Variants in MECOM observed in about 807,000 individuals in gnomAD.
MECOM encodes histone-lysine N-methyltransferase MECOM.
A neutral mutation model predicts 116.3 loss-of-function variants in MECOM; 13 were observed. The ratio of observed to expected loss-of-function variants is 0.11; its 90% CI spans 0.07 to 0.18. The LOEUF (loss-of-function observed/expected upper bound fraction) is 0.18, where lower values mean the gene tolerates loss of function less well. Among genes scored for constraint, MECOM ranks in the 10% least tolerant of loss-of-function variants. MECOM has a pLI of 1.00. For missense variants in MECOM, 1,299 were observed against 1,509.0 expected, an observed-to-expected ratio of 0.86 and a Z score of 2.31; for synonymous variants, 528 against 535.2, an observed-to-expected ratio of 0.99 and a Z score of 0.19.
intron 2 of MECOM, among the ~76,000 whole-genome samples, chr3:169,265,493 G>C (rs1331220749): frequency 6.6e-6 from 1 of 152,186 alleles, no homozygotes; most frequent in Non-Finnish European, 1.5e-5. Flanking sequence ...TTAAAATAGT[G>C]AGAGAGTTTA....
At chr3:169,209,116 T>C (rs984888487) in intron 2 of MECOM, among the ~76,000 whole-genome samples, 183 of 152,150 alleles carry the variant, frequency 1.2e-3, no homozygotes, top group Non-Finnish European at 1.7e-3. Context: ...ATTTAATAAA[T>C]GGTGCTGGAA....
At chr3:169,295,574 GC>G (rs1485011331) in intron 2 of MECOM, among the ~76,000 whole-genome samples, 2 of 152,120 alleles carry the variant, frequency 1.3e-5, no homozygotes, top group Non-Finnish European at 2.9e-5. Context: ...TTTCCATTAT[GC>G]CTTTAAAACA....
chr3:169,366,758 G>A (rs1484720868), intron 2 of MECOM, among the ~76,000 whole-genome samples: 1 of 151,994 alleles, frequency 6.6e-6, no homozygotes, highest in East Asian at 1.9e-4. Flanking sequence ...AGGTTTCATT[G>A]CCATGCCATG....
chr3:169,503,416 T>C (rs1422347353), intron 1 of MECOM, among the ~76,000 whole-genome samples: 2 of 152,196 alleles, frequency 1.3e-5, no homozygotes, highest in East Asian at 1.9e-4. Context: ...AGGACATATA[T>C]GTTAAATAAA....
At chr3:169,219,901 TTAAG>T (rs1212856778) in intron 2 of MECOM, among the ~76,000 whole-genome samples, 2 of 149,060 alleles carry the variant, frequency 1.3e-5, no homozygotes, top group Non-Finnish European at 3.0e-5. Context: ...AACCATCTCA[TTAAG>T]TTTTTTTAAA....
At chr3:169,525,686 A>G (rs1335042089) in intron 1 of MECOM, among the ~76,000 whole-genome samples, 1 of 152,226 alleles carries the variant, frequency 6.6e-6, no homozygotes, top group African/African-American at 2.4e-5. Context: ...TATTACATAA[A>G]TCCAACATAT....
intron 2 of MECOM, among the ~76,000 whole-genome samples, chr3:169,215,557 T>C (rs1310325001): frequency 1.3e-5 from 2 of 152,190 alleles, no homozygotes; most frequent in Non-Finnish European, 2.9e-5. Flanking sequence ...AAGAGTTGTT[T>C]AGTGAAGTTA....
At chr3:169,164,164 T>C (rs1405855916) in intron 2 of MECOM, among the ~76,000 whole-genome samples, 1 of 152,132 alleles carries the variant, frequency 6.6e-6, no homozygotes, top group Non-Finnish European at 1.5e-5. Flanking sequence ...TTCTCACATG[T>C]TGTGGGAGGG....
intron 2 of MECOM, among the ~76,000 whole-genome samples, chr3:169,245,926 C>A (rs1260209299): frequency 6.6e-6 from 1 of 152,184 alleles, no homozygotes; most frequent in Non-Finnish European, 1.5e-5. Flanking sequence ...GTGGCACAGC[C>A]TCCTCCATCT....
In MECOM at chr3:169,661,218, G is replaced by A. The variant is rs182506659; in HGVS notation, c.37+2118C>T. Among the ~76,000 whole-genome samples the A allele has an allele frequency of 3.8e-3, 575 of 152,190 alleles. 3 individuals are homozygous for A. The highest frequency in any genetic ancestry group is 0.013 in the African/African-American group (543 of 41,490). On this transcript the variant is annotated intron_variant, in intron 1 of 16. Coordinates refer to ENST00000651503, the MANE Select transcript of MECOM (RefSeq NM_004991.4). ...CAGAAGTTATCGGGCAGTGAGTTGC[G>A]GCGCGAAGCCTTAAGCTTTCACTTC... is the stretch of plus-strand genomic sequence containing the variant.
At position 169,512,901 on chromosome 3, in the gene MECOM, C is replaced by A. The variant is rs1441219113; in HGVS notation, c.38-131377G>T. On this transcript the variant is annotated intron_variant, in intron 1 of 16. Coordinates refer to ENST00000651503, the MANE Select transcript of MECOM (RefSeq NM_004991.4). The stretch of plus-strand genomic sequence containing the variant: ...AGGGTTGCTATATCAACTTTAGTTT[C>A]TCCACCTAATCCCTCCTAATCATGG... Among the ~76,000 whole-genome samples the A allele has an allele frequency of 2.0e-5, 3 of 152,204 alleles. No homozygotes were observed. In the East Asian group the frequency reaches 5.8e-4, roughly 29 times the overall value.
chr3:169,144,931 G>A (rs1035571403), intron 2 of MECOM: 2 of 1,312,648 alleles, frequency 1.5e-6, no homozygotes, highest in Non-Finnish European at 2.2e-6. Flanking sequence ...TGAGTACTGA[G>A]ACCAAAAGCA....
rs552301227 is a variant in MECOM, at chr3:169,527,825, A to C, written c.37+135511T>G. Among the ~76,000 whole-genome samples, 25 of 152,298 alleles carry C rather than the reference A, an allele frequency of 1.6e-4. No homozygotes were observed. The East Asian group carries it at 4.8e-3, about 29-fold the overall frequency. ...AAAAGATATGTGAGAGAGAGAAAGC[A>C]AGGAAAAAACACAGGAGCCTGGGTC... On this transcript the variant is annotated intron_variant, in intron 1 of 16. Coordinates refer to ENST00000651503, the MANE Select transcript of MECOM (RefSeq NM_004991.4).
chr3:169,281,999 C>T (rs1173845089), intron 2 of MECOM, among the ~76,000 whole-genome samples: 2 of 152,122 alleles, frequency 1.3e-5, no homozygotes, highest in Non-Finnish European at 2.9e-5. Flanking sequence ...CTACATCCTC[C>T]TCTCTACTGA....
intron 1 of MECOM, among the ~76,000 whole-genome samples, chr3:169,546,770 T>C (rs962150075): frequency 1.3e-5 from 2 of 152,246 alleles, no homozygotes; most frequent in African/African-American, 4.8e-5. Context: ...AGGTTTGTTA[T>C]AAAAGTGTTT....
chr3:169,351,009 A>G (rs1432255215), intron 2 of MECOM, among the ~76,000 whole-genome samples: 2 of 151,874 alleles, frequency 1.3e-5, no homozygotes, highest in African/African-American at 4.8e-5. Flanking sequence ...TAACCTAAAG[A>G]GCTTAAAAAT....
In MECOM at chr3:169,127,771, C is replaced by T. The variant is rs1733374160; in HGVS notation, c.830+73G>A. ...TGGAGTTCCAAATTTTCCATCTGCA[C>T]AAAGCCTCAAAATTCAGCATAACAT... On this transcript the variant is annotated intron_variant, in intron 5 of 16. Transcript: ENST00000651503. 3.6e-6 allele frequency: 5 copies of T among 1,386,402 alleles called. No individual in the cohort carries two copies. The South Asian group carries it at 6.0e-5, about 17-fold the overall frequency. 85.9% of individuals were successfully genotyped at this position (1,386,402 alleles called of 1,614,324 possible). A position where few individuals can be genotyped will look rare whatever the true frequency, so the allele number is the denominator to read the frequency against.
Position 169,381,374 on chromosome 3 carries a change from G to A in MECOM, c.188C>T (p.Pro63Leu), listed in dbSNP as rs369363004. ...AGGGATGTAGATGGGGGCTTTGTAA[G>A]GAGAACCCTCCTTTGGAGTGAATGC... ...SEAFTPKEGSPYKAPIYIPDD... is the reference protein window; with the variant it reads ...SEAFTPKEGSLYKAPIYIPDD... The change falls in exon 2 of 17, where the codon CCT becomes CTT. Residue 63 changes from proline to leucine, a missense_variant. Around this residue, in one of 6 missense-constraint regions of MECOM, gnomAD observed 374 missense variants for 433.4 expected, o/e 0.86. Transcript: ENST00000651503. 2.2e-5 allele frequency: 35 copies of A among 1,613,896 alleles called. No individual in the cohort carries two copies. In the African/African-American group the frequency reaches 4.4e-4, roughly 20 times the overall value.
chr3:169,208,158 C>A (rs1047028751), intron 2 of MECOM, among the ~76,000 whole-genome samples: 3 of 151,322 alleles, frequency 2.0e-5, no homozygotes, highest in African/African-American at 7.3e-5. Context: ...AAGCTCTTGA[C>A]CTTTCTATTA....
Sources: gnomAD v4.1 joint callset for allele counts (sites outside exome capture counted in the v4.1 genomes callset) on GRCh38, gnomAD v4.1.1 for gene constraint, gnomAD v4.1.1 regional missense constraint, MANE v1.5 for transcripts, NCBI Gene and HGNC (gene_info 2026-07-23, HGNC 2026-07-21) for gene names.